Variants in CDC42SE2 observed in about 807,000 individuals in gnomAD.
CDC42SE2 encodes CDC42 small effector 2, also known as CDC42 small effector protein 2.
Under a neutral mutation model 11.5 loss-of-function variants are expected in CDC42SE2, and 3 were observed. That is an observed-to-expected ratio of 0.26 (90% confidence interval 0.12 to 0.67). The LOEUF is 0.67. CDC42SE2 is among the 30% of genes least tolerant of loss of function. The pLI is 0.80. For missense variants in CDC42SE2, 82 were observed against 106.8 expected (o/e 0.77, Z 1.02); for synonymous variants, 33 against 34.8 (o/e 0.95, Z 0.18).
At chr5:131,377,795 A>T (rs993906955) in intron 3 of CDC42SE2, among the ~76,000 whole-genome samples, 1 of 152,240 alleles carries the variant, frequency 6.6e-6, no homozygotes, top group Admixed American at 6.5e-5. Flanking sequence ...ATCAGCAGAT[A>T]AGTATTTTTT....
rs557498218 is a variant in CDC42SE2 at position 131,319,034 on chromosome 5, C to T, written c.-286+2890C>T. On this transcript the variant is annotated intron_variant, in intron 2 of 4. Coordinates refer to ENST00000505065, the MANE Select transcript of CDC42SE2 (RefSeq NM_001375635.1). ...CTCCTGCTTCAGCCTCCTGAGTAGC[C>T]GGGATTACAGGTGCCCGCCACCACT... 7.2e-5 allele frequency among the ~76,000 whole-genome samples: 11 copies of T among 152,048 alleles called. No homozygotes were observed. In the South Asian group the frequency reaches 1.0e-3, roughly 14 times the overall value.
chr5:131,315,417 G>A (rs372607585), intron 1 of CDC42SE2, among the ~76,000 whole-genome samples: 5 of 152,100 alleles, frequency 3.3e-5, no homozygotes, highest in Admixed American at 6.6e-5. Context: ...TTAGAAATAC[G>A]TAGCAGAGTT....
At chr5:131,375,028 C>CT (rs1363631675) in intron 3 of CDC42SE2, among the ~76,000 whole-genome samples, 3 of 141,614 alleles carry the variant, frequency 2.1e-5, no homozygotes, top group African/African-American at 7.9e-5. Context: ...AGTTTCTCCC[C>CT]TCCTTTTTTT....
At chr5:131,239,091 C>T in the CDC42SE2 span, among the ~76,000 whole-genome samples, 5 of 151,372 alleles carry the variant, frequency 3.3e-5, no homozygotes, top group African/African-American at 7.3e-5. Flanking sequence ...AGGAGACAGA[C>T]GGAGGTTGAA....
chr5:131,365,050 G>T (rs1248777395), intron 3 of CDC42SE2, among the ~76,000 whole-genome samples: 1 of 152,170 alleles, frequency 6.6e-6, no homozygotes, highest in Non-Finnish European at 1.5e-5. Flanking sequence ...AGCACTTTGG[G>T]AGGCCGAGGC....
At position 131,391,718 on chromosome 5, in the gene CDC42SE2, A is replaced by T. The variant is rs1750658524; in HGVS notation, c.*627A>T. 6.6e-6 allele frequency: 1 copy of T among 152,224 alleles called. No homozygotes were observed. The highest frequency in any genetic ancestry group is 2.1e-4 in the South Asian group (1 of 4,838). 9.4% of individuals were successfully genotyped at this position (152,224 alleles called of 1,614,324 possible). A position where few individuals can be genotyped will look rare whatever the true frequency, so the allele number is the denominator to read the frequency against. ...ATAATCTCTTGGGTAGTAATTTTAC[A>T]GTTAAGACTTCATTGTTTATAAACT... On this transcript the variant is annotated 3_prime_UTR_variant, in exon 5 of 5. Coordinates refer to ENST00000505065, the MANE Select transcript of CDC42SE2 (RefSeq NM_001375635.1).
intron 3 of CDC42SE2, among the ~76,000 whole-genome samples, chr5:131,360,591 C>G (rs1749679454): frequency 6.6e-6 from 1 of 152,182 alleles, no homozygotes. Flanking sequence ...GTCTCTCCCA[C>G]AACATTTTGA....
At chr5:131,370,540 C>G (rs1749988889) in intron 3 of CDC42SE2, among the ~76,000 whole-genome samples, 1 of 150,580 alleles carries the variant, frequency 6.6e-6, no homozygotes, top group Non-Finnish European at 1.5e-5. Context: ...CCAGGCTGGT[C>G]TCAGGCTTCT....
At chr5:131,255,281 A>G (rs866249362) in intron 2 of CDC42SE2, 3 of 152,168 alleles carry the variant, frequency 2.0e-5, no homozygotes, top group South Asian at 4.1e-4. Context: ...AATGTAAAAT[A>G]TATCATTAAT....
At chr5:131,235,471 G>C in the CDC42SE2 span, among the ~76,000 whole-genome samples, 2 of 151,610 alleles carry the variant, frequency 1.3e-5, no homozygotes, top group African/African-American at 4.9e-5. Context: ...TGTATTTTTA[G>C]TAGAGACGGG....
intron 4 of CDC42SE2, among the ~76,000 whole-genome samples, chr5:131,387,592 G>A (rs1474037155): frequency 6.6e-6 from 1 of 152,098 alleles, no homozygotes; most frequent in East Asian, 1.9e-4. Flanking sequence ...TTAAATTTTA[G>A]TTCGTGGCAT....
upstream of CDC42SE2, among the ~76,000 whole-genome samples, chr5:131,263,243 T>C (rs2149687111): frequency 6.6e-6 from 1 of 152,222 alleles, no homozygotes; most frequent in South Asian, 2.1e-4. Flanking sequence ...ATAAAGTTTT[T>C]GGCCTGAGTA....
At chr5:131,352,003 A>C (rs143403453) in intron 2 of CDC42SE2, among the ~76,000 whole-genome samples, 1 of 152,216 alleles carries the variant, frequency 6.6e-6, no homozygotes, top group Non-Finnish European at 1.5e-5. Context: ...TATTTACCCA[A>C]AGAAAATACA....
chr5:131,224,378 T>A, the CDC42SE2 span, among the ~76,000 whole-genome samples: 1 of 152,194 alleles, frequency 6.6e-6, no homozygotes, highest in Non-Finnish European at 1.5e-5. Context: ...GCAGCCTTCA[T>A]GGTAACTGCA....
intron 1 of CDC42SE2, among the ~76,000 whole-genome samples, chr5:131,313,232 T>A (rs761434299): frequency 2.0e-5 from 3 of 152,136 alleles, no homozygotes; most frequent in South Asian, 4.1e-4. Context: ...TCTGCCTGCC[T>A]CGGCCTCCCA....
At chr5:131,317,210 A>G (rs553770786) in intron 2 of CDC42SE2, among the ~76,000 whole-genome samples, 1 of 152,198 alleles carries the variant, frequency 6.6e-6, no homozygotes, top group African/African-American at 2.4e-5. Flanking sequence ...TATGTAACAC[A>G]TGTTCAAGTG....
chr5:131,320,285 A>C (rs998393731), intron 2 of CDC42SE2, among the ~76,000 whole-genome samples: 1 of 151,150 alleles, frequency 6.6e-6, no homozygotes, highest in African/African-American at 2.4e-5. Flanking sequence ...CCAGCTACTC[A>C]GGAGGCTGAG....
intron 2 of CDC42SE2, among the ~76,000 whole-genome samples, chr5:131,336,070 T>A (rs1758552817): frequency 1.3e-5 from 2 of 152,224 alleles, no homozygotes; most frequent in Non-Finnish European, 2.9e-5. Flanking sequence ...GCCTTGATGA[T>A]CTTTACAATT....
intron 1 of CDC42SE2, among the ~76,000 whole-genome samples, chr5:131,307,734 T>C (rs1249152286): frequency 3.9e-5 from 6 of 152,182 alleles, no homozygotes; most frequent in African/African-American, 7.2e-5. Context: ...ACCTGTTGTT[T>C]CCTGACTTTT....
Sources: gnomAD v4.1 joint callset for allele counts (sites outside exome capture counted in the v4.1 genomes callset) on GRCh38, gnomAD v4.1.1 for gene constraint, MANE v1.5 for transcripts, NCBI Gene and HGNC (gene_info 2026-07-23, HGNC 2026-07-21) for gene names.